NAV1: variants seen among roughly 807,000 people sequenced by gnomAD.
The protein encoded by NAV1 is neuron navigator 1.
NAV1 carries 18 observed loss-of-function variants against 175.2 expected under a neutral mutation model. That is an observed-to-expected ratio of 0.10 (90% confidence interval 0.07 to 0.15). The LOEUF (loss-of-function observed/expected upper bound fraction) is 0.15. Ranked by LOEUF, NAV1 falls within the 10% of genes least tolerant of loss-of-function variation. NAV1 has a pLI of 1.00. For synonymous variants in NAV1, 897 were observed against 978.7 expected (o/e 0.92, Z 1.56); for missense variants, 1,731 against 2,436.6 (o/e 0.71, Z 6.10).
chr1:201,613,313 C>T (rs1172300789), intron 2 of NAV1, among the ~76,000 whole-genome samples: 4 of 152,156 alleles, frequency 2.6e-5, no homozygotes, highest in Admixed American at 6.5e-5. Flanking sequence ...CCCCCGCCAC[C>T]AACCCCATAT....
intron 2 of NAV1, among the ~76,000 whole-genome samples, chr1:201,607,199 T>C (rs1226342147): frequency 6.7e-6 from 1 of 149,514 alleles, no homozygotes; most frequent in African/African-American, 2.5e-5. Context: ...CACTGCAACC[T>C]TCACCTCCCA....
chr1:201,648,649 A>C, exon 1 of NAV1: 2 of 1,365,852 alleles, frequency 1.5e-6, no homozygotes, highest in East Asian at 3.1e-5. Flanking sequence ...CGGATCGTCC[A>C]TGCGCTCCTC....
chr1:201,698,665 G>A (rs946319824), intron 1 of NAV1, among the ~76,000 whole-genome samples: 5 of 152,194 alleles, frequency 3.3e-5, no homozygotes, highest in Non-Finnish European at 7.3e-5. Flanking sequence ...AGTGTGATAG[G>A]CAGAACTACT....
At chr1:201,623,770 G>A (rs1265332958) in intron 1 of NAV1, among the ~76,000 whole-genome samples, 164 bp downstream of exon 3, 2 of 152,214 alleles carry the variant, frequency 1.3e-5, no homozygotes, top group East Asian at 3.9e-4. Flanking sequence ...CAGAGTTGGG[G>A]GCTTGGAGAG....
At chr1:201,572,139 G>A (rs1416711539) in intron 1 of NAV1, among the ~76,000 whole-genome samples, 3 of 152,052 alleles carry the variant, frequency 2.0e-5, no homozygotes, top group Non-Finnish European at 2.9e-5. Flanking sequence ...AGAAGTTATG[G>A]GATTCATCAT....
At chr1:201,780,514 C>T (rs1409057549) in exon 4 of NAV1, 1 of 1,614,180 alleles carries the variant, frequency 6.2e-7, no homozygotes, top group Non-Finnish European at 8.5e-7. Context: ...CACTCAACTC[C>T]CTCCCAAGTA....
In NAV1 at chr1:201,808,877, T is replaced by G; in HGVS notation, c.4207+6T>G. The G allele has an allele frequency of 6.2e-7, 1 of 1,608,512 alleles. No individual in the cohort carries two copies. Among genetic ancestry groups the G allele is most frequent in the Non-Finnish European group, 8.5e-7 (1 of 1,176,822 alleles). ...CCCCAGTCTTGCAGACACAGGTACC[T>G]GTGTGGGAGAAGAATCTATAAGGGT... is the stretch of plus-strand genomic sequence containing the variant. On this transcript the variant is annotated splice_donor_region_variant and intron_variant, in intron 20 of 29. Transcript: ENST00000367296. This position sits in a 1 kb window ranked among gnomAD's most constrained non-coding sequence, Gnocchi z 5.5.
In NAV1 at chr1:201,607,269, C is replaced by A. The variant is rs137900850; in HGVS notation, c.-32-15584C>A. Among the ~76,000 whole-genome samples, 333 of 151,988 alleles carry A rather than the reference C, an allele frequency of 2.2e-3. 2 individuals carry two copies. The highest frequency in any genetic ancestry group is 7.8e-3 in the African/African-American group (322 of 41,450). On this transcript the variant is annotated intron_variant, in intron 2 of 33. Transcript: ENST00000685211. Reference sequence around the variant, plus strand: ...CAGCTGAGACTACAGGCGTCCACCACCACACCCAGCTAATTTTTGTATTTT... The same window carrying A: ...CAGCTGAGACTACAGGCGTCCACCAACACACCCAGCTAATTTTTGTATTTT...
chr1:201,780,278 C>A, intron 3 of NAV1, 143 bp from the exon 8 acceptor site: 1 of 829,022 alleles, frequency 1.2e-6, no homozygotes, highest in Non-Finnish European at 1.8e-6. Context: ...GAGTTGCTGA[C>A]AAACCTAGGA....
chr1:201,584,007 A>G (rs1461553775), intron 1 of NAV1, among the ~76,000 whole-genome samples: 1 of 152,276 alleles, frequency 6.6e-6, no homozygotes, highest in Non-Finnish European at 1.5e-5. Flanking sequence ...ATCATCTCCA[A>G]GATCCTTTCC....
rs1399362208 is a variant in NAV1, at chr1:201,808,381, C to T, written c.3846-37C>T. 2 of 1,580,302 alleles carry T rather than the reference C, an allele frequency of 1.3e-6. No individual in the cohort carries two copies. The highest frequency in any genetic ancestry group is 8.6e-7 in the Non-Finnish European group (1 of 1,163,614). On this transcript the variant is annotated intron_variant, in intron 18 of 29. Coordinates refer to ENST00000367296, the Ensembl canonical transcript of NAV1. This position sits in a 1 kb window ranked among gnomAD's most constrained non-coding sequence, Gnocchi z 5.5. Reference sequence around the variant, plus strand: ...ATATTCTCTAGTAACTCTAGTGCTTCTTCATGTAGCCTGGCTTGACTCTTG... The same window carrying T: ...ATATTCTCTAGTAACTCTAGTGCTTTTTCATGTAGCCTGGCTTGACTCTTG...
At chr1:201,684,046 C>T (rs1444216430) in intron 1 of NAV1, among the ~76,000 whole-genome samples, 1 of 152,124 alleles carries the variant, frequency 6.6e-6, no homozygotes, top group East Asian at 1.9e-4. Flanking sequence ...ATTGTTTCAG[C>T]TTTGGCTGTT....
At chr1:201,541,053 G>GT (rs1665500126) in intron 1 of NAV1, among the ~76,000 whole-genome samples, 1 of 152,212 alleles carries the variant, frequency 6.6e-6, no homozygotes, top group Admixed American at 6.5e-5. Context: ...TTCTTCAGCA[G>GT]TTTATCTGAT....
rs904669079 is a variant in NAV1 at position 201,587,980 on chromosome 1, G to A, written c.-143-559G>A. Among the ~76,000 whole-genome samples the A allele has an allele frequency of 3.3e-5, 5 of 152,300 alleles. No individual in the cohort carries two copies. In the East Asian group the frequency reaches 5.8e-4, roughly 18 times the overall value. On this transcript the variant is annotated intron_variant, in intron 1 of 33. Transcript: ENST00000685211. ...ATTGTTAGTGGAAATGTAAAATGGC[G>A]CAGCAGCTTTGGAAAACAGTTTGGC...
chr1:201,670,343 T>G (rs2102376312), intron 1 of NAV1, among the ~76,000 whole-genome samples: 1 of 124,152 alleles, frequency 8.1e-6, no homozygotes, highest in African/African-American at 3.2e-5. Context: ...ATCATGCCAC[T>G]GCACTCCAGC....
At chr1:201,764,172 C>A (rs1310205012) in intron 3 of NAV1, among the ~76,000 whole-genome samples, 2 of 152,100 alleles carry the variant, frequency 1.3e-5, no homozygotes, top group African/African-American at 4.8e-5. Flanking sequence ...GGTCAATATC[C>A]AATGTAGTTC....
At chr1:201,681,399 ATAC>A (rs772637527) in intron 1 of NAV1, among the ~76,000 whole-genome samples, 2 of 152,226 alleles carry the variant, frequency 1.3e-5, no homozygotes, top group Non-Finnish European at 2.9e-5. Context: ...GAGACTTTGT[ATAC>A]TAATGGGGTT....
At chr1:201,610,791 A>G (rs1008438924) in intron 2 of NAV1, among the ~76,000 whole-genome samples, 1 of 152,176 alleles carries the variant, frequency 6.6e-6, no homozygotes, top group Non-Finnish European at 1.5e-5. Flanking sequence ...TCACTTAACT[A>G]TAAATAACAG....
intron 1 of NAV1, among the ~76,000 whole-genome samples, chr1:201,676,542 C>T (rs531142958): frequency 2.0e-5 from 3 of 151,800 alleles, no homozygotes; most frequent in East Asian, 1.9e-4. Context: ...GCGAGGGAAG[C>T]GGCTGGGGAG....
Sources: allele counts gnomAD v4.1 joint callset (sites outside exome capture counted in the v4.1 genomes callset), GRCh38; gene constraint gnomAD v4.1.1; non-coding constraint Gnocchi (gnomAD v3.1); transcripts MANE v1.5; gene names NCBI Gene and HGNC (gene_info 2026-07-23, HGNC 2026-07-21).